The following CDH4 variants were observed in gnomAD, a reference collection of about 807,000 sequenced individuals.
The protein encoded by CDH4 is cadherin 4, also known as cadherin-4.
Under a neutral mutation model 86.0 loss-of-function variants are expected in CDH4, and 33 were observed. The ratio of observed to expected loss-of-function variants is 0.38; its 90% CI spans 0.29 to 0.51. CDH4 has a LOEUF of 0.51. CDH4 is among the 20% of genes least tolerant of loss of function. The pLI is 0.86. For missense variants in CDH4, 1,114 were observed against 1,307.4 expected (o/e 0.85, Z 2.28); for synonymous variants, 555 against 549.4 (o/e 1.01, Z -0.14).
At chr20:61,592,453 G>C (rs1336803129) in intron 2 of CDH4, among the ~76,000 whole-genome samples, 1 of 150,622 alleles carries the variant, frequency 6.6e-6, no homozygotes, top group Non-Finnish European at 1.5e-5. Context: ...AATCAACTTG[G>C]TTGAAATACA....
chr20:61,679,072 G>A (rs942053092), intron 2 of CDH4, among the ~76,000 whole-genome samples: 2 of 152,278 alleles, frequency 1.3e-5, no homozygotes, highest in Middle Eastern at 3.4e-3. Context: ...TGTTCCTGCC[G>A]CACCCAGAGC....
intron 2 of CDH4, among the ~76,000 whole-genome samples, chr20:61,473,719 G>T (rs571521379): frequency 4.0e-5 from 6 of 151,882 alleles, no homozygotes; most frequent in Admixed American, 3.9e-4. Flanking sequence ...TGATGAGTGC[G>T]GAATGGCATG....
At chr20:61,735,835 C>T (rs150835286) in intron 2 of CDH4, among the ~76,000 whole-genome samples, 1 of 152,338 alleles carries the variant, frequency 6.6e-6, no homozygotes, top group Non-Finnish European at 1.5e-5. Flanking sequence ...CATGTGCATG[C>T]AGCGGGGGCC....
intron 2 of CDH4, among the ~76,000 whole-genome samples, chr20:61,341,717 A>G (rs1004151590): frequency 4.6e-5 from 7 of 151,970 alleles, no homozygotes; most frequent in African/African-American, 1.7e-4. Flanking sequence ...GAGTAATTGG[A>G]AGTGATTGGC....
chr20:61,306,765 C>T (rs560035308), intron 2 of CDH4, among the ~76,000 whole-genome samples: 28 of 152,316 alleles, frequency 1.8e-4, no homozygotes, highest in Middle Eastern at 6.8e-3. Context: ...CACTGGGGCA[C>T]GGTCCACTCT....
intron 2 of CDH4, among the ~76,000 whole-genome samples, chr20:61,617,122 G>A (rs1600810378): frequency 6.6e-6 from 1 of 152,184 alleles, no homozygotes; most frequent in East Asian, 1.9e-4. Flanking sequence ...AGGCTCATCG[G>A]CCTTGGCTCC....
chr20:61,804,454 G>C (rs1194056559), intron 4 of CDH4, among the ~76,000 whole-genome samples: 1 of 152,226 alleles, frequency 6.6e-6, no homozygotes, highest in African/African-American at 2.4e-5. Flanking sequence ...CTGGCCACCA[G>C]TCACCTGGAG....
At chr20:61,430,230 G>C (rs935690583) in intron 2 of CDH4, among the ~76,000 whole-genome samples, 4 of 152,360 alleles carry the variant, frequency 2.6e-5, no homozygotes, top group Non-Finnish European at 5.9e-5. Context: ...GGACTAAGCA[G>C]AGATAATGAA....
intron 4 of CDH4, among the ~76,000 whole-genome samples, chr20:61,831,636 G>A (rs145857494): frequency 3.3e-5 from 5 of 152,302 alleles, no homozygotes; most frequent in South Asian, 2.1e-4. Context: ...GCAAATGTCC[G>A]GCAGGCCACA....
chr20:61,646,001 A>G (rs1398722893), intron 2 of CDH4, among the ~76,000 whole-genome samples: 1 of 152,228 alleles, frequency 6.6e-6, no homozygotes, highest in Non-Finnish European at 1.5e-5. Flanking sequence ...TGAGACTCAC[A>G]GGCAATATTG....
intron 2 of CDH4, among the ~76,000 whole-genome samples, chr20:61,347,784 G>T (rs970096637): frequency 5.3e-5 from 8 of 152,194 alleles, no homozygotes; most frequent in Non-Finnish European, 1.2e-4. Context: ...TCCTGGTTCG[G>T]CACGGGACAT....
chr20:61,556,027 T>C (rs1353826809), intron 2 of CDH4, among the ~76,000 whole-genome samples: 2 of 152,110 alleles, frequency 1.3e-5, no homozygotes, highest in Admixed American at 6.6e-5. Context: ...CTCTCTCTGC[T>C]CCGGTGCACC....
chr20:61,337,147 G>A (rs964999782), intron 2 of CDH4, among the ~76,000 whole-genome samples: 11 of 151,818 alleles, frequency 7.2e-5, no homozygotes, highest in Non-Finnish European at 1.5e-4. Flanking sequence ...CATAAAGTGG[G>A]GATGCTCTAG....
chr20:61,376,009 G>C (rs62643394), intron 2 of CDH4, among the ~76,000 whole-genome samples: 507 of 10,906 alleles, frequency 0.046, no homozygotes, highest in Middle Eastern at 0.071. Context: ...GGTCTTGGTG[G>C]TGGTGATACT....
intron 2 of CDH4, among the ~76,000 whole-genome samples, chr20:61,664,950 CAA>C (rs923987916): frequency 1.2e-4 from 18 of 152,254 alleles, no homozygotes; most frequent in African/African-American, 4.1e-4. Flanking sequence ...CATATCTGAA[CAA>C]AGAGGCTGCC....
intron 2 of CDH4, among the ~76,000 whole-genome samples, chr20:61,555,490 C>T (rs930285419): frequency 6.6e-6 from 1 of 152,166 alleles, no homozygotes; most frequent in Admixed American, 6.5e-5. Flanking sequence ...CCCAGTGCCT[C>T]CCTCACTCTC....
chr20:61,837,814 C>G (rs958733380), intron 4 of CDH4, among the ~76,000 whole-genome samples: 1 of 152,162 alleles, frequency 6.6e-6, no homozygotes, highest in Non-Finnish European at 1.5e-5. Context: ...CAGGAGCCTT[C>G]CTTCTCCTCC....
chr20:61,449,095 C>T (rs1568849110), intron 2 of CDH4, among the ~76,000 whole-genome samples: 1 of 152,198 alleles, frequency 6.6e-6, no homozygotes, highest in Non-Finnish European at 1.5e-5. Flanking sequence ...GGGATGGCAC[C>T]TGCCCACTGT....
At chr20:61,579,852 A>G (rs951698691) in intron 2 of CDH4, among the ~76,000 whole-genome samples, 1 of 152,174 alleles carries the variant, frequency 6.6e-6, no homozygotes, top group Non-Finnish European at 1.5e-5. Context: ...ACGTCCCTCT[A>G]TATTATAGTT....
Sources: allele counts gnomAD v4.1 joint callset (sites outside exome capture counted in the v4.1 genomes callset), GRCh38; gene constraint gnomAD v4.1.1; transcripts MANE v1.5; gene names NCBI Gene and HGNC (gene_info 2026-07-23, HGNC 2026-07-21).